TUT7: variants seen among roughly 807,000 people sequenced by gnomAD.
The protein encoded by TUT7 is terminal uridylyltransferase 7.
A neutral mutation model predicts 165.9 loss-of-function variants in TUT7; 33 were observed. That is an observed-to-expected ratio of 0.20 (90% CI 0.15 to 0.27). The LOEUF (loss-of-function observed/expected upper bound fraction) is 0.27, where lower values mean the gene tolerates loss of function less well. Ranked by LOEUF, TUT7 falls within the 10% of genes least tolerant of loss-of-function variation. The pLI, the probability that TUT7 is intolerant of heterozygous loss-of-function variation, is 1.00. For missense variants in TUT7, 1,338 were observed against 1,762.3 expected (o/e 0.76, Z 4.31); for synonymous variants, 552 against 608.1 (o/e 0.91, Z 1.36).
chr9:86,325,861 T>G (rs1255052694), intron 11 of TUT7, among the ~76,000 whole-genome samples: 2 of 152,234 alleles, frequency 1.3e-5, no homozygotes, highest in Admixed American at 6.5e-5. Context: ...GAACTCTTCC[T>G]GTTACTGCTG....
At chr9:86,351,071 C>G (rs1036666379) in intron 2 of TUT7, among the ~76,000 whole-genome samples, 1 of 150,076 alleles carries the variant, frequency 6.7e-6, no homozygotes, top group African/African-American at 2.5e-5. Context: ...GAGGCAGAGG[C>G]CACAGTGAGA....
chr9:86,323,564 G>T lies in TUT7; in HGVS notation c.2186C>A (p.Ala729Glu). 6.2e-7 allele frequency: 1 copy of T among 1,614,136 alleles called. No individual in the cohort carries two copies. The highest frequency in any genetic ancestry group is 8.5e-7 in the Non-Finnish European group (1 of 1,180,024). ...VHPENSDCIQ[A>E]DVNSDDYKGD... Reference sequence around the variant, plus strand: ...CTTGTAATCATCAGAGTTAACATCTGCTTGGATACAGTCTGAGTTTTCAGG... The same window carrying T: ...CTTGTAATCATCAGAGTTAACATCTTCTTGGATACAGTCTGAGTTTTCAGG... The change falls in exon 13 of 27, where the codon GCA becomes GAA. Residue 729 changes from alanine (A) to glutamate (E), a missense_variant. This residue lies in a region of TUT7 where 425 missense variants were observed against 474.9 expected (regional missense o/e 0.89). Transcript: ENST00000375963.
At position 86,352,838 on chromosome 9, in the gene TUT7, C is replaced by T; in HGVS notation, c.362G>A (p.Arg121Lys). The T allele has an allele frequency of 6.2e-7, 1 of 1,614,128 alleles. No homozygotes were observed. Among genetic ancestry groups the T allele is most frequent in the South Asian group, 1.1e-5 (1 of 91,080 alleles). Residue 121 changes from arginine to lysine, a missense_variant, in exon 2 of 27, where the codon AGA (arginine) becomes AAA (lysine). Transcript: ENST00000375963. ...TCTTTGTCGGTTTATAACAGGAATT[C>T]TAGGTCCAGGTTTGAATTCTCTCCA... is the stretch of plus-strand genomic sequence containing the variant. ...DNWREFKPGP[R>K]IPVINRQRKD...
intron 17 of TUT7, 90 bp downstream of exon 17, chr9:86,317,129 G>A: frequency 5.9e-6 from 7 of 1,178,448 alleles, no homozygotes; most frequent in South Asian, 2.6e-5. Context: ...GGTGGGCCTG[G>A]AACAAATACC....
At position 86,323,426 on chromosome 9, in the gene TUT7, C is replaced by G. The variant is rs916094979; in HGVS notation, c.2324G>C (p.Cys775Ser). 8.1e-6 allele frequency: 13 copies of G among 1,614,230 alleles called. No homozygotes were observed. The highest frequency in any genetic ancestry group is 1.1e-5 in the Non-Finnish European group (13 of 1,180,036). ...TGACTCATTATTACGTGTGCTGCCA[C>G]AGACAACATGCTCTCCACGTTTCTG... ...VDQKRGEHVV[C>S]GSTRNNESES... Residue 775 changes from cysteine to serine, a missense_variant, in exon 13 of 27, where the codon TGT (cysteine) becomes TCT (serine). Cys to Ser is a moderately radical substitution (Grantham distance 112). This residue lies in a region of TUT7 where 425 missense variants were observed against 474.9 expected (regional missense o/e 0.89). Coordinates refer to ENST00000375963, the MANE Select transcript of TUT7 (RefSeq NM_024617.4).
chr9:86,301,415 C>G lies in TUT7; in HGVS notation c.4281G>C (p.Leu1427=), dbSNP rs1239020597. The change falls in exon 26 of 27, where the codon CTG becomes CTC. Residue 1427 remains leucine, a synonymous_variant. Coordinates refer to ENST00000375963, the MANE Select transcript of TUT7 (RefSeq NM_024617.4). ...GTGGCCTGAGGATCTTCTCCCTCCC[C>G]AGGTCAGCAGCTGCCCGCATTGGCT... is the stretch of plus-strand genomic sequence containing the variant. ...KAKPMRAAAD[L]GREKILRPPV... 2 of 1,614,184 alleles carry G rather than the reference C, an allele frequency of 1.2e-6. No individual in the cohort carries two copies. Among genetic ancestry groups the G allele is most frequent in the Admixed American group, 3.3e-5 (2 of 60,014 alleles).
rs57717616 is a variant in TUT7 at position 86,302,257 on chromosome 9, G to A, written c.4095-656C>T. Among the ~76,000 whole-genome samples, 767 of 152,130 alleles carry A rather than the reference G, an allele frequency of 5.0e-3. 8 individuals carry two copies. The highest frequency in any genetic ancestry group is 0.017 in the African/African-American group (707 of 41,490). ...ATGTCTCTCTTGCCCCCCAATAAAC[G>A]CCACCAGAAGAAAGCATGGGGACTA... is the stretch of plus-strand genomic sequence containing the variant. On this transcript the variant is annotated intron_variant, in intron 25 of 26. Transcript: ENST00000375963.
chr9:86,334,365 A>G (rs913248154), intron 10 of TUT7, among the ~76,000 whole-genome samples: 1 of 152,220 alleles, frequency 6.6e-6, no homozygotes, highest in Non-Finnish European at 1.5e-5. Context: ...CAAAAGTCTG[A>G]GGAAGCCCTC....
chr9:86,298,196 T>C (rs2031263), intron 26 of TUT7, among the ~76,000 whole-genome samples: 115,087 of 152,018 alleles, frequency 0.76, 45,134 homozygotes, highest in East Asian at 0.99. Context: ...GACATATTAT[T>C]TCTGTATCTC....
chr9:86,304,031 G>A (rs1827215961), intron 24 of TUT7, among the ~76,000 whole-genome samples: 1 of 151,994 alleles, frequency 6.6e-6, no homozygotes, highest in Non-Finnish European at 1.5e-5. Context: ...AGATAGACAG[G>A]AGGAATAAGT....
intron 16 of TUT7, among the ~76,000 whole-genome samples, chr9:86,317,956 A>T (rs907464548): frequency 1.6e-4 from 25 of 152,208 alleles, no homozygotes; most frequent in African/African-American, 6.0e-4. Flanking sequence ...AACCTTGAGG[A>T]TGTATGATAG....
intron 10 of TUT7, among the ~76,000 whole-genome samples, chr9:86,331,359 A>C (rs868318458): frequency 8.5e-5 from 13 of 152,326 alleles, no homozygotes; most frequent in Admixed American, 2.0e-4. Context: ...ATAAATATTA[A>C]TTAGGTCAAG....
At chr9:86,324,608 A>G (rs898250325) in intron 12 of TUT7, 3 of 114,750 alleles carry the variant, frequency 2.6e-5, no homozygotes, top group Non-Finnish European at 3.8e-5. Flanking sequence ...CTTATGCAAC[A>G]TAAAGCTTGA....
In TUT7 at chr9:86,323,867, T is replaced by C; in HGVS notation, c.1883A>G (p.Tyr628Cys). 6.2e-7 allele frequency: 1 copy of C among 1,614,104 alleles called. No homozygotes were observed. Reference sequence around the variant, plus strand: ...TGTAATTTTGTGTGGAAGAGCAAAATACTTGTATGTTGTCCTTAAACAATG... The same window carrying C: ...TGTAATTTTGTGTGGAAGAGCAAAACACTTGTATGTTGTCCTTAAACAATG... ...ILHCLRTTYK[Y>C]FALPHKITKS... The change falls in exon 13 of 27, where the codon TAT (tyrosine) becomes TGT (cysteine). Residue 628 changes from tyrosine (Y) to cysteine (C), a missense_variant. Physicochemically the swap from Tyr to Cys is radical, Grantham distance 194. Around this residue, in one of 7 missense-constraint regions of TUT7, gnomAD observed 425 missense variants for 474.9 expected, o/e 0.89. Transcript: ENST00000375963.
rs1831760666 is a variant in TUT7, at chr9:86,346,333, C to T, written c.668G>A (p.Arg223Lys). 1 of 1,614,034 alleles carries T rather than the reference C, an allele frequency of 6.2e-7. No individual in the cohort carries two copies. The highest frequency in any genetic ancestry group is 1.1e-5 in the South Asian group (1 of 91,064). ...ELLGLQQAEE[R>K]LKRDCIDRLK... ...CCTGTCAATGCAGTCTCTCTTCAGT[C>T]TCTCCTCAGCCTGCTGTAAGCCTAG... The change falls in exon 3 of 27, where the codon AGA (arginine) becomes AAA (lysine). Residue 223 changes from arginine (R) to lysine (K), a missense_variant. Around this residue, in one of 7 missense-constraint regions of TUT7, gnomAD observed 434 missense variants for 480.8 expected, o/e 0.90. Transcript: ENST00000375963.
Position 86,311,031 on chromosome 9 carries a change from C to G in TUT7, c.3275-222G>C, listed in dbSNP as rs1827998189. Among the ~76,000 whole-genome samples, 2 of 152,158 alleles carry G rather than the reference C, an allele frequency of 1.3e-5. No homozygotes were observed. Among genetic ancestry groups the G allele is most frequent in the African/African-American group, 4.8e-5 (2 of 41,436 alleles). On this transcript the variant is annotated intron_variant, in intron 17 of 26. Coordinates refer to ENST00000375963, the MANE Select transcript of TUT7 (RefSeq NM_024617.4). This position sits in a 1 kb window ranked among gnomAD's most constrained non-coding sequence, Gnocchi z 4.4. ...ATATTGATATTAGAACTACAAGAAT[C>G]AAACAGTCACTCCCCTCTGGGAACT...
Position 86,289,203 on chromosome 9 carries a change from G to A in TUT7, c.4421-459C>T, listed in dbSNP as rs928659999. ...ACTTATTGATATAAAAGGAAAAAGG[G>A]AAATTTATTATATTTACAGGTGGAG... On this transcript the variant is annotated intron_variant, in intron 26 of 26. Coordinates refer to ENST00000375963, the MANE Select transcript of TUT7 (RefSeq NM_024617.4). Among the ~76,000 whole-genome samples the A allele has an allele frequency of 2.6e-5, 4 of 152,142 alleles. No homozygotes were observed. In the South Asian group the frequency reaches 8.3e-4, roughly 31 times the overall value.
chr9:86,326,893 C>A (rs1829844433), intron 11 of TUT7, among the ~76,000 whole-genome samples: 1 of 152,180 alleles, frequency 6.6e-6, no homozygotes, highest in South Asian at 2.1e-4. Flanking sequence ...AAAAATAAAG[C>A]ATTAAATGGA....
At chr9:86,308,636 T>C in intron 21 of TUT7, 30 bp from the exon 22 acceptor site, 1 of 1,553,644 alleles carries the variant, frequency 6.4e-7, no homozygotes, top group Non-Finnish European at 8.7e-7. Flanking sequence ...AGGGATACCA[T>C]GGTCTTTAGT....
Sources: allele counts gnomAD v4.1 joint callset (sites outside exome capture counted in the v4.1 genomes callset), GRCh38; gene constraint gnomAD v4.1.1; regional missense constraint gnomAD v4.1.1; non-coding constraint Gnocchi (gnomAD v3.1); transcripts MANE v1.5; gene names NCBI Gene and HGNC (gene_info 2026-07-23, HGNC 2026-07-21).